Variants in PPP2R5E observed in about 807,000 individuals in gnomAD.
PPP2R5E encodes protein phosphatase 2 regulatory subunit B'epsilon.
Under a neutral mutation model 65.3 loss-of-function variants are expected in PPP2R5E, and 4 were observed. The observed-to-expected ratio is 0.06, with a 90% CI of 0.03 to 0.14. PPP2R5E has a LOEUF of 0.14. PPP2R5E is among the 10% of genes least tolerant of loss of function. PPP2R5E has a pLI of 1.00. For missense variants in PPP2R5E, 274 were observed against 556.1 expected (o/e 0.49, Z 5.10); for synonymous variants, 183 against 187.4 (o/e 0.98, Z 0.19).
chr14:63,515,595 A>T (rs1341575410), intron 2 of PPP2R5E, among the ~76,000 whole-genome samples: 1 of 151,556 alleles, frequency 6.6e-6, no homozygotes, highest in Non-Finnish European at 1.5e-5. Flanking sequence ...ATCTTGGCTC[A>T]CTGCAACCTC....
rs994221569 is a variant in PPP2R5E at position 63,492,230 on chromosome 14, T to G, written c.158-38345A>C. Among the ~76,000 whole-genome samples the G allele has an allele frequency of 2.6e-5, 4 of 152,092 alleles. No individual in the cohort carries two copies. The East Asian group carries it at 7.7e-4, about 29-fold the overall frequency. On this transcript the variant is annotated intron_variant, in intron 2 of 13. Transcript: ENST00000337537. ...TGCTTAGCCTAAACCTAAATTGTCATGAAAAAGGAAGAAAAAATAATAATG... is the reference window on the plus strand; with the variant it reads ...TGCTTAGCCTAAACCTAAATTGTCAGGAAAAAGGAAGAAAAAATAATAATG...
At chr14:63,483,331 C>A (rs980138516) in intron 2 of PPP2R5E, among the ~76,000 whole-genome samples, 4 of 151,954 alleles carry the variant, frequency 2.6e-5, no homozygotes, top group African/African-American at 9.7e-5. Flanking sequence ...GTGGTAAGTA[C>A]TATAGGAGAT....
At chr14:63,429,592 G>A (rs1887513956) in intron 3 of PPP2R5E, among the ~76,000 whole-genome samples, 1 of 151,992 alleles carries the variant, frequency 6.6e-6, no homozygotes, top group South Asian at 2.1e-4. Flanking sequence ...AAACCAAAAT[G>A]ATTTAATCAT....
chr14:63,514,909 G>A (rs1291866140), intron 2 of PPP2R5E, among the ~76,000 whole-genome samples: 1 of 152,186 alleles, frequency 6.6e-6, no homozygotes, highest in Admixed American at 6.5e-5. Context: ...GAGGCTGTGA[G>A]GTCATCTGTC....
chr14:63,523,889 A>G (rs1893076568), intron 2 of PPP2R5E, among the ~76,000 whole-genome samples: 1 of 152,192 alleles, frequency 6.6e-6, no homozygotes, highest in African/African-American at 2.4e-5. Flanking sequence ...TATAATGTGT[A>G]AGGCACACAA....
At position 63,389,773 on chromosome 14, in the gene PPP2R5E, A is replaced by G. The variant is rs750573421; in HGVS notation, c.955-42T>C. The G allele has an allele frequency of 4.1e-5, 62 of 1,507,680 alleles. No homozygotes were observed. The Middle Eastern group carries it at 1.2e-3, about 30-fold the overall frequency. 93.4% of individuals were successfully genotyped at this position (1,507,680 alleles called of 1,614,324 possible). A position where few individuals can be genotyped will look rare whatever the true frequency, so the allele number is the denominator to read the frequency against. ...AATACAAGATGTGAGGCACATCATG[A>G]AAAAAAATCCATAAGAACAAGGAGG... On this transcript the variant is annotated intron_variant, in intron 10 of 13. Coordinates refer to ENST00000337537, the MANE Select transcript of PPP2R5E (RefSeq NM_006246.5).
chr14:63,537,145 C>T (rs1893696377), intron 2 of PPP2R5E, among the ~76,000 whole-genome samples: 1 of 152,076 alleles, frequency 6.6e-6, no homozygotes, highest in Admixed American at 6.5e-5. Flanking sequence ...AAAACCAATA[C>T]CCTGACTATG....
At chr14:63,407,548 TTA>T (rs1386044927) in intron 5 of PPP2R5E, among the ~76,000 whole-genome samples, 1 of 124,984 alleles carries the variant, frequency 8.0e-6, no homozygotes, top group Non-Finnish European at 1.5e-5. Context: ...ACATATATGC[TTA>T]TTTTTTTTAT....
chr14:63,491,378 T>A (rs2356463), intron 2 of PPP2R5E, among the ~76,000 whole-genome samples: 7,109 of 149,856 alleles, frequency 0.047, 187 homozygotes, highest in East Asian at 0.078. Context: ...TCTATAATTT[T>A]AAAAAAAAAG....
At chr14:63,455,151 G>GC (rs1889049270) in intron 2 of PPP2R5E, among the ~76,000 whole-genome samples, 1 of 152,190 alleles carries the variant, frequency 6.6e-6, no homozygotes, top group African/African-American at 2.4e-5. Context: ...ACAGCATACA[G>GC]CACCCCCCTT....
chr14:63,525,590 G>A (rs1299278094), intron 2 of PPP2R5E, among the ~76,000 whole-genome samples: 2 of 152,130 alleles, frequency 1.3e-5, no homozygotes, highest in Non-Finnish European at 2.9e-5. Flanking sequence ...ACTCCTTTGA[G>A]AATCTGATGA....
At chr14:63,396,291 T>G (rs1350156127) in intron 6 of PPP2R5E, among the ~76,000 whole-genome samples, 2 of 49,736 alleles carry the variant, frequency 4.0e-5, no homozygotes, top group African/African-American at 8.6e-5. Flanking sequence ...AGAGGAGGGA[T>G]AGAGAAGAAG....
At chr14:63,488,633 G>C (rs77305206) in intron 2 of PPP2R5E, among the ~76,000 whole-genome samples, 1 of 152,110 alleles carries the variant, frequency 6.6e-6, no homozygotes, top group African/African-American at 2.4e-5. Flanking sequence ...CAGATCACTT[G>C]AAGTCAGGAA....
chr14:63,460,951 C>G (rs1004181269), intron 2 of PPP2R5E, among the ~76,000 whole-genome samples: 2 of 152,224 alleles, frequency 1.3e-5, no homozygotes, highest in African/African-American at 4.8e-5. Flanking sequence ...ATAAATGACA[C>G]AGTGTTTCCA....
At chr14:63,445,333 A>C (rs1172945176) in intron 3 of PPP2R5E, among the ~76,000 whole-genome samples, 1 of 152,264 alleles carries the variant, frequency 6.6e-6, no homozygotes, top group East Asian at 1.9e-4. Context: ...AATACACCGT[A>C]GTCTATAAAG....
At chr14:63,490,485 C>A (rs576804703) in intron 2 of PPP2R5E, among the ~76,000 whole-genome samples, 1 of 152,040 alleles carries the variant, frequency 6.6e-6, no homozygotes, top group Non-Finnish European at 1.5e-5. Context: ...CTGCAAACTA[C>A]ACATCTGATG....
At chr14:63,376,283 A>C (rs1005669614) in intron 13 of PPP2R5E, among the ~76,000 whole-genome samples, 175 bp from the exon 14 acceptor site, 6 of 152,230 alleles carry the variant, frequency 3.9e-5, no homozygotes, top group Non-Finnish European at 8.8e-5. Flanking sequence ...AGTTATTGTA[A>C]AATCAAGGGC....
In PPP2R5E at chr14:63,392,686, G is replaced by A. The variant is rs748879474; in HGVS notation, c.850-661C>T. Among the ~76,000 whole-genome samples, 17 of 152,280 alleles carry A rather than the reference G, an allele frequency of 1.1e-4. 1 individual carries two copies. Among genetic ancestry groups the A allele is most frequent in the Admixed American group, 3.3e-4 (5 of 15,306 alleles). On this transcript the variant is annotated intron_variant, in intron 8 of 13. Transcript: ENST00000337537. ...ATTCTTGGACAAGAAAACCACCCTC[G>A]CAAAAGAACATTTTGATGGTGTTCT...
chr14:63,516,589 T>C (rs758637052), intron 2 of PPP2R5E, among the ~76,000 whole-genome samples: 1 of 152,222 alleles, frequency 6.6e-6, no homozygotes, highest in Admixed American at 6.5e-5. Flanking sequence ...GTTAGGTTAA[T>C]AGCGATTTCC....
Sources: gnomAD v4.1 joint callset for allele counts (sites outside exome capture counted in the v4.1 genomes callset) on GRCh38, gnomAD v4.1.1 for gene constraint, MANE v1.5 for transcripts, NCBI Gene and HGNC (gene_info 2026-07-23, HGNC 2026-07-21) for gene names.